Variants in AUTS2 observed in about 807,000 individuals in gnomAD.
AUTS2 encodes autism susceptibility gene 2 protein.
A neutral mutation model predicts 112.4 loss-of-function variants in AUTS2; 17 were observed. That is an observed-to-expected ratio of 0.15 (90% CI 0.10 to 0.23). The LOEUF (loss-of-function observed/expected upper bound fraction) is 0.23. Ranked by LOEUF, AUTS2 falls within the 10% of genes least tolerant of loss-of-function variation. The pLI is 1.00. For synonymous variants in AUTS2, 751 were observed against 702.7 expected, an observed-to-expected ratio of 1.07 and a Z score of -1.09; for missense variants, 1,510 against 1,701.6, an observed-to-expected ratio of 0.89 and a Z score of 1.98.
At chr7:70,494,375 A>G (rs1798365936) in intron 5 of AUTS2, among the ~76,000 whole-genome samples, 2 of 152,140 alleles carry the variant, frequency 1.3e-5, no homozygotes, top group African/African-American at 2.4e-5. Context: ...CTTGAAAAGC[A>G]TTGTTGGCCT....
intron 1 of AUTS2, among the ~76,000 whole-genome samples, chr7:69,633,839 T>C (rs1794388992): frequency 6.6e-6 from 1 of 152,216 alleles, no homozygotes; most frequent in Admixed American, 6.5e-5. Context: ...TTATACACTT[T>C]GCATATTAAC....
intron 4 of AUTS2, among the ~76,000 whole-genome samples, chr7:70,169,079 A>G (rs1808531917): frequency 6.6e-6 from 1 of 152,196 alleles, no homozygotes; most frequent in Non-Finnish European, 1.5e-5. Flanking sequence ...CATGAGATGG[A>G]TAGAAAACAG....
chr7:70,234,385 A>G (rs1812213430), intron 4 of AUTS2, among the ~76,000 whole-genome samples: 1 of 151,914 alleles, frequency 6.6e-6, no homozygotes, highest in Admixed American at 6.6e-5. Context: ...TTCTCTCAGT[A>G]TTTTCTTTTC....
chr7:70,017,565 T>C (rs553472626), intron 2 of AUTS2, among the ~76,000 whole-genome samples: 1 of 152,298 alleles, frequency 6.6e-6, no homozygotes, highest in Middle Eastern at 3.4e-3. Flanking sequence ...ATGTACAGGC[T>C]TCAGAGCTGG....
At chr7:69,841,962 G>A (rs987363025) in intron 1 of AUTS2, among the ~76,000 whole-genome samples, 2 of 152,172 alleles carry the variant, frequency 1.3e-5, no homozygotes, top group African/African-American at 4.8e-5. Flanking sequence ...TGAGAGAGAC[G>A]AGTGCATAGA....
intron 1 of AUTS2, among the ~76,000 whole-genome samples, chr7:69,614,839 A>G (rs1793280042): frequency 6.6e-6 from 1 of 152,178 alleles, no homozygotes; most frequent in African/African-American, 2.4e-5. Context: ...ATGCTCTGAG[A>G]CACACAGTCT....
intron 1 of AUTS2, among the ~76,000 whole-genome samples, chr7:69,807,884 C>G (rs997123954): frequency 1.3e-5 from 2 of 150,986 alleles, no homozygotes; most frequent in African/African-American, 4.9e-5. Context: ...TTCTGTTAGT[C>G]AGAAGCAGGT....
At chr7:70,146,166 T>A (rs1391282904) in intron 4 of AUTS2, among the ~76,000 whole-genome samples, 1 of 152,134 alleles carries the variant, frequency 6.6e-6, no homozygotes, top group Non-Finnish European at 1.5e-5. Flanking sequence ...TCCCTAATTC[T>A]CTCATCTTAC....
At chr7:70,444,373 T>TGTGTGTGTGTGTGTGTGTGTGTGAGAGA (rs372696006) in intron 5 of AUTS2, among the ~76,000 whole-genome samples, 34 of 142,498 alleles carry the variant, frequency 2.4e-4, no homozygotes, top group African/African-American at 7.5e-4. Flanking sequence ...TGTGTGTGTG[T>TGTGTGTGTGTGTGTGTGTGTGTGAGAGA]GAGAGAGAGA....
At chr7:70,281,004 G>A (rs559199957) in intron 4 of AUTS2, among the ~76,000 whole-genome samples, 5 of 151,938 alleles carry the variant, frequency 3.3e-5, no homozygotes, top group African/African-American at 9.7e-5. Context: ...CCATATCCAC[G>A]TTCTTATTTT....
intron 2 of AUTS2, among the ~76,000 whole-genome samples, chr7:69,983,839 C>T (rs1798395694): frequency 6.6e-6 from 1 of 152,078 alleles, no homozygotes; most frequent in South Asian, 2.1e-4. Flanking sequence ...ACTATCTATA[C>T]TAAATGTATA....
In AUTS2 at chr7:69,975,908, G is replaced by C. The variant is rs538686395; in HGVS notation, c.522+76410G>C. ...TCACCATGTTGGCCAGGCTGGTCTT[G>C]AACTCCTGACCTCAGGTGATCCGCC... On this transcript the variant is annotated intron_variant, in intron 2 of 18. Transcript: ENST00000342771. Among the ~76,000 whole-genome samples, 45 of 152,048 alleles carry C rather than the reference G, an allele frequency of 3.0e-4. 2 individuals carry two copies. The South Asian group carries it at 7.7e-3, about 26-fold the overall frequency.
intron 2 of AUTS2, among the ~76,000 whole-genome samples, chr7:69,910,070 A>G (rs1365265243): frequency 6.6e-6 from 1 of 152,170 alleles, no homozygotes; most frequent in African/African-American, 2.4e-5. Context: ...CCACTTGCAT[A>G]ATTTATCATT....
intron 2 of AUTS2, among the ~76,000 whole-genome samples, chr7:70,087,576 A>G (rs1803677599): frequency 6.6e-6 from 1 of 151,868 alleles, no homozygotes; most frequent in South Asian, 2.1e-4. Context: ...TTACCATGTT[A>G]GCCAGGATGC....
intron 4 of AUTS2, among the ~76,000 whole-genome samples, chr7:70,269,562 T>C (rs1787588781): frequency 6.6e-6 from 1 of 152,198 alleles, no homozygotes; most frequent in Admixed American, 6.5e-5. Flanking sequence ...TTATTTGACT[T>C]CTCTTTGCCT....
chr7:70,720,224 G>A (rs977512503), intron 6 of AUTS2, among the ~76,000 whole-genome samples: 3 of 151,876 alleles, frequency 2.0e-5, no homozygotes, highest in African/African-American at 7.3e-5. Context: ...AATGCCACCA[G>A]GGTGACAGGA....
chr7:69,944,282 T>C (rs1370219140), intron 2 of AUTS2, among the ~76,000 whole-genome samples: 1 of 152,174 alleles, frequency 6.6e-6, no homozygotes, highest in East Asian at 1.9e-4. Flanking sequence ...TAAAATGGTT[T>C]TCTTGTCTTA....
chr7:70,608,963 G>A (rs748624579), intron 5 of AUTS2, among the ~76,000 whole-genome samples: 3 of 152,140 alleles, frequency 2.0e-5, no homozygotes, highest in Non-Finnish European at 4.4e-5. Flanking sequence ...TTTAATTGAT[G>A]TATAAAAATG....
chr7:70,219,914 A>G (rs1811386586), intron 4 of AUTS2, among the ~76,000 whole-genome samples: 1 of 152,128 alleles, frequency 6.6e-6, no homozygotes, highest in African/African-American at 2.4e-5. Context: ...AAAATAGCCA[A>G]CCACTTTCTT....
Sources: allele counts gnomAD v4.1 joint callset (sites outside exome capture counted in the v4.1 genomes callset), GRCh38; gene constraint gnomAD v4.1.1; transcripts MANE v1.5; gene names NCBI Gene and HGNC (gene_info 2026-07-23, HGNC 2026-07-21).